SHISA9: variants seen among roughly 807,000 people sequenced by gnomAD.
The protein encoded by SHISA9 is shisa family member 9.
Under a neutral mutation model 38.0 loss-of-function variants are expected in SHISA9, and 13 were observed. The observed-to-expected ratio is 0.34, with a 90% CI of 0.22 to 0.54. The LOEUF (loss-of-function observed/expected upper bound fraction) is 0.54. SHISA9 is among the 20% of genes least tolerant of loss of function. SHISA9 has a pLI of 0.91. For synonymous variants in SHISA9, 275 were observed against 242.0 expected, an observed-to-expected ratio of 1.14 and a Z score of -1.27; for missense variants, 538 against 575.8, an observed-to-expected ratio of 0.93 and a Z score of 0.67.
chr16:13,126,701 G>T (rs967048468), intron 2 of SHISA9, among the ~76,000 whole-genome samples: 1 of 148,736 alleles, frequency 6.7e-6, no homozygotes, highest in African/African-American at 2.5e-5. Context: ...AGAAGAAAGT[G>T]GGAGGGAGAG....
intron 2 of SHISA9, among the ~76,000 whole-genome samples, chr16:12,970,823 C>T (rs1463296311): frequency 2.0e-5 from 3 of 151,762 alleles, no homozygotes; most frequent in East Asian, 1.9e-4. Flanking sequence ...CGCGCCTGGC[C>T]GGGGCATATG....
At chr16:13,557,322 C>A in the SHISA9 span, among the ~76,000 whole-genome samples, 1 of 152,130 alleles carries the variant, frequency 6.6e-6, no homozygotes, top group Non-Finnish European at 1.5e-5. Flanking sequence ...ACCAAAAATA[C>A]AATCTACAAA....
the SHISA9 span, among the ~76,000 whole-genome samples, chr16:13,249,967 C>G: frequency 6.6e-6 from 1 of 152,142 alleles, no homozygotes; most frequent in Non-Finnish European, 1.5e-5. Flanking sequence ...CTCCTAGGCT[C>G]AAGCAATGCT....
intron 2 of SHISA9, among the ~76,000 whole-genome samples, chr16:13,188,650 G>A (rs771761306): frequency 6.7e-6 from 1 of 148,208 alleles, no homozygotes; most frequent in African/African-American, 2.5e-5. Context: ...CTAGGAAGTC[G>A]AGGGTGCTGT....
intron 2 of SHISA9, among the ~76,000 whole-genome samples, chr16:13,072,694 T>C (rs1482018807): frequency 6.6e-6 from 1 of 151,906 alleles, no homozygotes; most frequent in African/African-American, 2.4e-5. Flanking sequence ...GGAGTCTTGC[T>C]CTGTCACCCA....
chr16:13,502,466 T>C, the SHISA9 span, among the ~76,000 whole-genome samples: 2 of 152,232 alleles, frequency 1.3e-5, no homozygotes, highest in Non-Finnish European at 2.9e-5. Flanking sequence ...ATTTATTTAT[T>C]CAACAAATAT....
At chr16:12,950,288 C>G in intron 2 of SHISA9, among the ~76,000 whole-genome samples, 1 of 152,148 alleles carries the variant, frequency 6.6e-6, no homozygotes, top group South Asian at 2.1e-4. Context: ...TACGTTGATT[C>G]CATATCTTGG....
At chr16:13,402,291 G>C in the SHISA9 span, among the ~76,000 whole-genome samples, 5 of 152,026 alleles carry the variant, frequency 3.3e-5, no homozygotes, top group Non-Finnish European at 7.4e-5. Context: ...TGAGCCAATG[G>C]TAAATTTCCC....
the SHISA9 span, among the ~76,000 whole-genome samples, chr16:13,359,233 T>C: frequency 6.6e-6 from 1 of 152,094 alleles, no homozygotes; most frequent in Non-Finnish European, 1.5e-5. Flanking sequence ...GTAATATTTT[T>C]TGGGGGGAGG....
At chr16:12,919,233 C>A (rs534916788) in intron 2 of SHISA9, among the ~76,000 whole-genome samples, 5 of 152,288 alleles carry the variant, frequency 3.3e-5, no homozygotes, top group Admixed American at 1.3e-4. Flanking sequence ...TAGACCAGCC[C>A]TTTGTGCCAG....
At chr16:13,079,610 A>G (rs1426505731) in intron 2 of SHISA9, among the ~76,000 whole-genome samples, 2 of 152,142 alleles carry the variant, frequency 1.3e-5, no homozygotes, top group Admixed American at 1.3e-4. Context: ...TAAACAACGC[A>G]TTTCTCCTGG....
intron 2 of SHISA9, among the ~76,000 whole-genome samples, chr16:13,060,870 T>C (rs1441602392): frequency 2.0e-5 from 3 of 152,116 alleles, no homozygotes; most frequent in African/African-American, 7.2e-5. Flanking sequence ...TAGAATGGGT[T>C]AGGGCTATGC....
the SHISA9 span, among the ~76,000 whole-genome samples, chr16:13,502,001 C>CAAAA: frequency 2.3e-5 from 3 of 129,102 alleles, no homozygotes; most frequent in Non-Finnish European, 3.3e-5. Context: ...AACTCCGTAT[C>CAAAA]AAAAAAAAAA....
At chr16:13,460,326 T>C in the SHISA9 span, among the ~76,000 whole-genome samples, 1 of 152,152 alleles carries the variant, frequency 6.6e-6, no homozygotes, top group Non-Finnish European at 1.5e-5. Context: ...CATAATGATA[T>C]CAAGACTCAT....
the SHISA9 span, among the ~76,000 whole-genome samples, chr16:13,375,094 G>A: frequency 7.0e-4 from 107 of 152,272 alleles, no homozygotes; most frequent in East Asian, 0.02. Flanking sequence ...TGGGTAGATT[G>A]TAAAAATTTT....
rs1332141769 is a variant in SHISA9 at position 13,237,668 on chromosome 16, A to AG, written c.*2259_*2260insG. On this transcript the variant is annotated 3_prime_UTR_variant, in exon 5 of 5. Transcript: ENST00000558583. ...TGAGACTATCTCAAAAAAAAAAAAAAAAAGAAAAAAAAAGAGATCTTTCAA... is the reference window on the plus strand; with the variant it reads ...TGAGACTATCTCAAAAAAAAAAAAAAGAAAGAAAAAAAAAGAGATCTTTCAA... 6 of 151,082 alleles carry AG rather than the reference A, an allele frequency of 4.0e-5. No individual in the cohort carries two copies. Among genetic ancestry groups the AG allele is most frequent in the South Asian group, 4.2e-4 (2 of 4,804 alleles). The allele number at this position is 151,082 out of a possible 1,614,324, so 9.4% of individuals were successfully genotyped here. A position where few individuals can be genotyped will look rare whatever the true frequency, so the allele number is the denominator to read the frequency against.
At chr16:13,449,948 C>G in the SHISA9 span, among the ~76,000 whole-genome samples, 1 of 152,064 alleles carries the variant, frequency 6.6e-6, no homozygotes, top group Non-Finnish European at 1.5e-5. Context: ...AACCCTGTCT[C>G]TACTAAAAAT....
chr16:13,481,803 G>A, the SHISA9 span, among the ~76,000 whole-genome samples: 2 of 152,150 alleles, frequency 1.3e-5, no homozygotes, highest in Admixed American at 1.3e-4. Context: ...CACTGAAAAT[G>A]GAAGCTATCT....
chr16:13,243,854 C>A (rs2051453253), downstream of SHISA9, among the ~76,000 whole-genome samples: 1 of 144,004 alleles, frequency 6.9e-6, no homozygotes, highest in African/African-American at 2.5e-5. Context: ...TTCACTGCAA[C>A]CTCTGCCTCC....
Sources: gnomAD v4.1 joint callset for allele counts (sites outside exome capture counted in the v4.1 genomes callset) on GRCh38, gnomAD v4.1.1 for gene constraint, MANE v1.5 for transcripts, NCBI Gene and HGNC (gene_info 2026-07-23, HGNC 2026-07-21) for gene names.